Variants in KHDRBS2 observed in about 807,000 individuals in gnomAD.
KHDRBS2 encodes the protein KH domain-containing, RNA-binding, signal transduction-associated protein 2.
KHDRBS2 carries 26 observed loss-of-function variants against 44.3 expected under a neutral mutation model. The observed-to-expected ratio is 0.59, with a 90% CI of 0.43 to 0.81. KHDRBS2 has a LOEUF of 0.81. Among genes scored for constraint, KHDRBS2 ranks in the 40% least tolerant of loss-of-function variants. The probability of loss-of-function intolerance (pLI) is 0.00; values close to 1 mark genes in which losing one functional copy is unlikely to be tolerated. For missense variants in KHDRBS2, 476 were observed against 433.1 expected (o/e 1.10, Z -0.88); for synonymous variants, 194 against 151.1 (o/e 1.28, Z -2.08).
intron 6 of KHDRBS2, among the ~76,000 whole-genome samples, chr6:61,881,650 G>C (rs896738838): frequency 1.3e-5 from 2 of 151,952 alleles, no homozygotes; most frequent in Non-Finnish European, 2.9e-5. Context: ...CTGCTTCAAG[G>C]ACTTCAATAA....
chr6:61,852,767 C>T (rs1795637664), intron 6 of KHDRBS2, among the ~76,000 whole-genome samples: 1 of 152,018 alleles, frequency 6.6e-6, no homozygotes, highest in Admixed American at 6.6e-5. Flanking sequence ...AGCAATTCCA[C>T]TTTTCTTAAA....
At chr6:61,954,180 G>T (rs1765396702) in intron 4 of KHDRBS2, among the ~76,000 whole-genome samples, 1 of 151,990 alleles carries the variant, frequency 6.6e-6, no homozygotes, top group South Asian at 2.1e-4. Flanking sequence ...ACCTGCCAAG[G>T]TCTGGGACTG....
intron 6 of KHDRBS2, among the ~76,000 whole-genome samples, chr6:61,799,423 T>C (rs1375674900): frequency 6.6e-6 from 1 of 151,992 alleles, no homozygotes; most frequent in African/African-American, 2.4e-5. Context: ...TAATAATGTA[T>C]ATCTGAAATA....
rs528588005 is a variant in KHDRBS2 at position 61,925,659 on chromosome 6, C to T, written c.484-24288G>A. On this transcript the variant is annotated intron_variant, in intron 4 of 8. Coordinates refer to ENST00000281156, the MANE Select transcript of KHDRBS2 (RefSeq NM_152688.4). ...ATCGATTAAGCCTGGGAGGTTGAGG[C>T]GGCAGTGAGCCTTGATTGGACCACT... Among the ~76,000 whole-genome samples the T allele has an allele frequency of 2.4e-4, 36 of 149,818 alleles. No homozygotes were observed. In the South Asian group the frequency reaches 5.1e-3, roughly 21 times the overall value.
chr6:62,116,527 G>GATAT (rs1208507197), intron 2 of KHDRBS2, among the ~76,000 whole-genome samples: 6 of 152,006 alleles, frequency 3.9e-5, no homozygotes, highest in Non-Finnish European at 8.8e-5. Flanking sequence ...GTGATATTTT[G>GATAT]ATATATGTAT....
At chr6:61,547,150 A>G in the KHDRBS2 span, among the ~76,000 whole-genome samples, 10 of 152,036 alleles carry the variant, frequency 6.6e-5, no homozygotes, top group Non-Finnish European at 1.3e-4. Context: ...GAATGTGCAA[A>G]CTCCACACAG....
chr6:61,717,730 G>C (rs1300128614), intron 7 of KHDRBS2, among the ~76,000 whole-genome samples: 1 of 152,050 alleles, frequency 6.6e-6, no homozygotes, highest in Non-Finnish European at 1.5e-5. Context: ...CAAATATAAG[G>C]ACTTACATTA....
At chr6:61,891,437 G>T (rs1359427105) in intron 6 of KHDRBS2, among the ~76,000 whole-genome samples, 1 of 152,120 alleles carries the variant, frequency 6.6e-6, no homozygotes, top group Admixed American at 6.5e-5. Flanking sequence ...TCAGGATGAT[G>T]CTGGCCTCAT....
intron 6 of KHDRBS2, among the ~76,000 whole-genome samples, chr6:61,829,193 G>A (rs1273328700): frequency 2.0e-5 from 3 of 152,146 alleles, no homozygotes; most frequent in South Asian, 2.1e-4. Flanking sequence ...ACGCAGTCTC[G>A]CTCTGTCGCC....
chr6:62,022,162 T>G (rs1461510179), intron 3 of KHDRBS2, among the ~76,000 whole-genome samples: 2 of 151,426 alleles, frequency 1.3e-5, no homozygotes, highest in East Asian at 3.9e-4. Flanking sequence ...GAAAACAAAT[T>G]TTTCCTTATT....
the KHDRBS2 span, among the ~76,000 whole-genome samples, chr6:61,553,033 G>T: frequency 6.6e-6 from 1 of 152,184 alleles, no homozygotes; most frequent in South Asian, 2.1e-4. Flanking sequence ...GACTTAGGGA[G>T]GACTCCCTCT....
chr6:61,636,115 A>G, the KHDRBS2 span, among the ~76,000 whole-genome samples: 15 of 152,054 alleles, frequency 9.9e-5, no homozygotes, highest in African/African-American at 3.4e-4. Context: ...CCCACACCTA[A>G]AATGAACTTT....
chr6:62,240,081 C>T (rs963020876), intron 1 of KHDRBS2, among the ~76,000 whole-genome samples: 6 of 152,134 alleles, frequency 3.9e-5, no homozygotes, highest in African/African-American at 1.4e-4. Context: ...ATATATCACA[C>T]ACCAGTTGCT....
At chr6:61,632,553 T>A in the KHDRBS2 span, among the ~76,000 whole-genome samples, 6 of 152,178 alleles carry the variant, frequency 3.9e-5, no homozygotes, top group Non-Finnish European at 8.8e-5. Context: ...AAGTAAAAGT[T>A]CATATGAAAT....
In KHDRBS2 at chr6:61,894,849, C is replaced by T; in HGVS notation, c.612-16G>A. Reference sequence around the variant, plus strand: ...CCCACGGCCCCTAAGAGAAACAAGTCATGTATAGATGAGAAACAGGTGATG... The same window carrying T: ...CCCACGGCCCCTAAGAGAAACAAGTTATGTATAGATGAGAAACAGGTGATG... On this transcript the variant is annotated splice_polypyrimidine_tract_variant and intron_variant, in intron 5 of 8. Transcript: ENST00000281156. The T allele has an allele frequency of 6.3e-7, 1 of 1,594,808 alleles. No homozygotes were observed. The highest frequency in any genetic ancestry group is 8.6e-7 in the Non-Finnish European group (1 of 1,166,460).
At chr6:61,614,067 G>T in the KHDRBS2 span, among the ~76,000 whole-genome samples, 5 of 152,106 alleles carry the variant, frequency 3.3e-5, no homozygotes, top group African/African-American at 1.2e-4. Flanking sequence ...TATTTTATTC[G>T]CTTCTTTAAC....
At chr6:61,749,675 T>C (rs1375483752) in intron 6 of KHDRBS2, among the ~76,000 whole-genome samples, 1 of 152,150 alleles carries the variant, frequency 6.6e-6, no homozygotes, top group Non-Finnish European at 1.5e-5. Flanking sequence ...ATTCACTTCT[T>C]TGGTAACACT....
chr6:62,221,585 A>G (rs553362455), intron 1 of KHDRBS2, among the ~76,000 whole-genome samples: 1 of 152,268 alleles, frequency 6.6e-6, no homozygotes, highest in Admixed American at 6.5e-5. Flanking sequence ...AAAAATTTAA[A>G]AAGAACATAA....
chr6:62,237,265 T>C (rs1383773707), intron 1 of KHDRBS2, among the ~76,000 whole-genome samples: 1 of 152,214 alleles, frequency 6.6e-6, no homozygotes, highest in Non-Finnish European at 1.5e-5. Context: ...AATGGCTGTG[T>C]GGTGGACTTA....
Sources: gnomAD v4.1 joint callset for allele counts (sites outside exome capture counted in the v4.1 genomes callset) on GRCh38, gnomAD v4.1.1 for gene constraint, MANE v1.5 for transcripts, NCBI Gene and HGNC (gene_info 2026-07-23, HGNC 2026-07-21) for gene names.